The following BICRA variants were observed in gnomAD, a reference collection of about 807,000 sequenced individuals.
The protein encoded by BICRA is BRD4-interacting chromatin-remodeling complex-associated protein.
Under a neutral mutation model 96.9 loss-of-function variants are expected in BICRA, and 31 were observed. That is an observed-to-expected ratio of 0.32 (90% CI 0.24 to 0.43). The LOEUF (loss-of-function observed/expected upper bound fraction) is 0.43. BICRA is among the 20% of genes least tolerant of loss of function. BICRA has a pLI of 1.00. For missense variants in BICRA, 2,283 were observed against 2,190.3 expected (o/e 1.04, Z -0.84); for synonymous variants, 1,350 against 1,071.8 (o/e 1.26, Z -5.07).
At chr19:47,664,796 C>T (rs1972752300) in intron 1 of BICRA, among the ~76,000 whole-genome samples, 1 of 152,214 alleles carries the variant, frequency 6.6e-6, no homozygotes, top group African/African-American at 2.4e-5. Context: ...CATGTCCGCC[C>T]TGTTCTGGAA....
At chr19:47,694,077 A>ACCCCCCC in intron 7 of BICRA, 38 bp from the exon 8 acceptor site, 3 of 1,410,510 alleles carry the variant, frequency 2.1e-6, no homozygotes, top group East Asian at 2.7e-5. Flanking sequence ...GTTGGTTCTG[A>ACCCCCCC]CCCCCGCCCC....
Position 47,655,481 on chromosome 19 carries a change from C to T in BICRA, c.-107-14962C>T, listed in dbSNP as rs148657365. Among the ~76,000 whole-genome samples the T allele has an allele frequency of 8.9e-3, 1,224 of 138,044 alleles. 12 individuals carry two copies. Among genetic ancestry groups the T allele is most frequent in the African/African-American group, 0.027 (996 of 36,614 alleles). The allele number at this position is 138,044 out of a possible 152,430, so 90.6% of individuals were successfully genotyped here. ...TGGAGGTTGCAGTGAGCAAAGATCACACCACTGTACTCCAGCCTGGGCAAC... is the reference window on the plus strand; with the variant it reads ...TGGAGGTTGCAGTGAGCAAAGATCATACCACTGTACTCCAGCCTGGGCAAC... On this transcript the variant is annotated intron_variant, in intron 1 of 14. Coordinates refer to ENST00000594866, the MANE Select transcript of BICRA (RefSeq NM_001394372.1).
chr19:47,613,291 C>T (rs1171912184), intron 1 of BICRA, among the ~76,000 whole-genome samples: 2 of 152,136 alleles, frequency 1.3e-5, no homozygotes, highest in Non-Finnish European at 2.9e-5. Flanking sequence ...CCCGCCAGCT[C>T]TCAACCCCCA....
intron 7 of BICRA, among the ~76,000 whole-genome samples, chr19:47,685,786 T>TGTGTGTGTGTGTGCGCGCGCGCGC: frequency 1.1e-4 from 13 of 117,966 alleles, no homozygotes; most frequent in East Asian, 7.0e-4. Context: ...TGTGTGTGTG[T>TGTGTGTGTGTGTGCGCGCGCGCGC]GCGCGCGCGC....
intron 1 of BICRA, among the ~76,000 whole-genome samples, chr19:47,657,622 T>A (rs1432923519): frequency 1.3e-5 from 2 of 152,058 alleles, no homozygotes; most frequent in Non-Finnish European, 2.9e-5. Context: ...GGTCTCGATC[T>A]CCTGACCTTG....
chr19:47,695,359 C>A lies in BICRA; in HGVS notation c.3077-6C>A, dbSNP rs1219980375. 1.9e-6 allele frequency: 2 copies of A among 1,043,766 alleles called. No homozygotes were observed. Among genetic ancestry groups the A allele is most frequent in the African/African-American group, 1.6e-5 (1 of 62,746 alleles). The allele number at this position is 1,043,766 out of a possible 1,614,324, so 64.7% of individuals were successfully genotyped here. On this transcript the variant is annotated splice_polypyrimidine_tract_variant and splice_region_variant and intron_variant, in intron 9 of 14. Coordinates refer to ENST00000594866, the MANE Select transcript of BICRA (RefSeq NM_001394372.1). Reference sequence around the variant, plus strand: ...GCCCTGTCTCCCCCACCCCACCCACCCCCAGGCCTCCCTCCTCTGCTTCCA... The same window carrying A: ...GCCCTGTCTCCCCCACCCCACCCACACCCAGGCCTCCCTCCTCTGCTTCCA...
chr19:47,672,613 G>A (rs1972884337), intron 2 of BICRA, among the ~76,000 whole-genome samples: 1 of 146,156 alleles, frequency 6.8e-6, no homozygotes, highest in Admixed American at 6.8e-5. Context: ...GCAGGGAAGG[G>A]AGGGATGTTT....
chr19:47,614,313 G>A (rs1164030796), intron 1 of BICRA, among the ~76,000 whole-genome samples: 1 of 152,004 alleles, frequency 6.6e-6, no homozygotes, highest in East Asian at 1.9e-4. Context: ...ATATATGGAT[G>A]TTATGTGTTT....
At chr19:47,673,863 G>C (rs973373267) in intron 4 of BICRA, 101 bp downstream of exon 4, 1 of 1,048,100 alleles carries the variant, frequency 9.5e-7, no homozygotes, top group African/African-American at 1.6e-5. Context: ...GTAGCCATCT[G>C]CCTTGTGGCT....
At chr19:47,636,975 GC>G (rs1972308662) in intron 1 of BICRA, among the ~76,000 whole-genome samples, 1 of 152,002 alleles carries the variant, frequency 6.6e-6, no homozygotes, top group African/African-American at 2.4e-5. Flanking sequence ...CTGCTGTGGG[GC>G]CCTCCTTCCC....
At chr19:47,692,572 C>T (rs776464848) in intron 7 of BICRA, among the ~76,000 whole-genome samples, 5 of 152,166 alleles carry the variant, frequency 3.3e-5, no homozygotes, top group Non-Finnish European at 7.3e-5. Flanking sequence ...ATTTCCAGGT[C>T]AAAGTTGTGA....
intron 1 of BICRA, among the ~76,000 whole-genome samples, chr19:47,658,828 T>TG (rs894088636): frequency 4.6e-5 from 7 of 151,934 alleles, no homozygotes; most frequent in Non-Finnish European, 1.0e-4. Context: ...GCGCACGTCT[T>TG]GGGGAACGTT....
chr19:47,666,288 C>A (rs1972777807), intron 1 of BICRA, among the ~76,000 whole-genome samples: 1 of 89,192 alleles, frequency 1.1e-5, no homozygotes, highest in South Asian at 4.4e-4. Context: ...TTTTCTTTTT[C>A]TTTTTCTTCT....
At chr19:47,656,176 A>T (rs1156324106) in intron 1 of BICRA, among the ~76,000 whole-genome samples, 1 of 151,874 alleles carries the variant, frequency 6.6e-6, no homozygotes, top group Non-Finnish European at 1.5e-5. Flanking sequence ...GGAGGACCAC[A>T]TGAGCCTGGA....
At chr19:47,695,342 T>TCCTCC in intron 9 of BICRA, 23 bp from the exon 10 acceptor site, 6 of 630,188 alleles carry the variant, frequency 9.5e-6, no homozygotes, top group East Asian at 2.8e-5. Flanking sequence ...AGGCCCTGTC[T>TCCTCC]CCCCCACCCC....
Position 47,679,863 on chromosome 19 carries a change from C to T in BICRA, c.693C>T (p.Gly231=), listed in dbSNP as rs1020861144. ...GGGGTGCCACGGCGGCCACACTGGG[C>T]CTGGCGCCCATCCAGGTGGTGGGCC... ...SPGGATAATL[G]LAPIQVVGQP... The change falls in exon 6 of 15, where the codon GGC becomes GGT. Residue 231 remains glycine (G), a synonymous_variant. Coordinates refer to ENST00000594866, the MANE Select transcript of BICRA (RefSeq NM_001394372.1). 233 of 1,513,730 alleles carry T rather than the reference C, an allele frequency of 1.5e-4. 2 individuals are homozygous for T. The highest frequency in any genetic ancestry group is 1.9e-4 in the Non-Finnish European group (220 of 1,136,932). 93.8% of individuals were successfully genotyped at this position (1,513,730 alleles called of 1,614,324 possible). A position where few individuals can be genotyped will look rare whatever the true frequency, so the allele number is the denominator to read the frequency against.
intron 1 of BICRA, among the ~76,000 whole-genome samples, chr19:47,651,101 G>A (rs1179842172): frequency 6.6e-6 from 1 of 151,790 alleles, no homozygotes; most frequent in East Asian, 1.9e-4. Flanking sequence ...CATTACCGTC[G>A]CCCCCTCTCT....
At chr19:47,672,820 C>T (rs1033181765) in intron 2 of BICRA, among the ~76,000 whole-genome samples, 2 of 152,008 alleles carry the variant, frequency 1.3e-5, no homozygotes, top group South Asian at 2.1e-4. Flanking sequence ...CTAGTGAGCA[C>T]TCGACAAATG....
At chr19:47,634,118 C>T (rs1972263668) in intron 1 of BICRA, among the ~76,000 whole-genome samples, 2 of 152,214 alleles carry the variant, frequency 1.3e-5, no homozygotes, top group Admixed American at 1.3e-4. Flanking sequence ...ATTGTATTTA[C>T]CACTCAGCTC....
Sources: allele counts gnomAD v4.1 joint callset (sites outside exome capture counted in the v4.1 genomes callset), GRCh38; gene constraint gnomAD v4.1.1; transcripts MANE v1.5; gene names NCBI Gene and HGNC (gene_info 2026-07-23, HGNC 2026-07-21).